Variants in SCN8A observed in about 807,000 individuals in gnomAD.
SCN8A encodes sodium channel protein type 8 subunit alpha.
A neutral mutation model predicts 184.1 loss-of-function variants in SCN8A; 30 were observed. That is an observed-to-expected ratio of 0.16 (90% CI 0.12 to 0.22). SCN8A has a LOEUF of 0.22. SCN8A is among the 10% of genes least tolerant of loss of function. The pLI is 1.00. For synonymous variants in SCN8A, 852 were observed against 907.0 expected (o/e 0.94, Z 1.09); for missense variants, 1,057 against 2,498.9 (o/e 0.42, Z 12.30).
chr12:51,609,201 GTATTC>G (rs1939663341), intron 1 of SCN8A, among the ~76,000 whole-genome samples: 1 of 151,940 alleles, frequency 6.6e-6, no homozygotes, highest in Admixed American at 6.6e-5. Flanking sequence ...AATAGAATGT[GTATTC>G]TGTGGTTGTT....
Position 51,637,373 on chromosome 12 carries a change from C to A in SCN8A, c.-54-25391C>A, listed in dbSNP as rs575682468. Among the ~76,000 whole-genome samples the A allele has an allele frequency of 5.9e-5, 9 of 152,326 alleles. No homozygotes were observed. In the South Asian group the frequency reaches 1.9e-3, roughly 32 times the overall value. On this transcript the variant is annotated intron_variant, in intron 1 of 26. Coordinates refer to ENST00000627620, the MANE Select transcript of SCN8A (RefSeq NM_001330260.2). ...ATTAAACTTAGTGAGGAAGGCATAT[C>A]AAAAGCCAACTTAGGCCAAAAGCTA... is the stretch of plus-strand genomic sequence containing the variant.
chr12:51,607,719 T>C (rs184067442), intron 1 of SCN8A, among the ~76,000 whole-genome samples: 71 of 152,356 alleles, frequency 4.7e-4, no homozygotes, highest in African/African-American at 1.7e-3. Context: ...GTTTATGTGC[T>C]GTATCACATT....
intron 16 of SCN8A, 145 bp from the exon 17 acceptor site, chr12:51,768,720 A>G (rs751826753): frequency 2.8e-5 from 17 of 609,462 alleles, no homozygotes; most frequent in Non-Finnish European, 4.6e-5. Context: ...TAACATGAGC[A>G]TTAAAATACT....
intron 12 of SCN8A, among the ~76,000 whole-genome samples, chr12:51,729,344 C>T (rs1942205110): frequency 6.6e-6 from 1 of 152,148 alleles, no homozygotes; most frequent in Non-Finnish European, 1.5e-5. Context: ...CTAATCAGTT[C>T]CTTCCACTTC....
intron 14 of SCN8A, among the ~76,000 whole-genome samples, chr12:51,758,686 C>G (rs1345192034): frequency 6.6e-6 from 1 of 152,208 alleles, no homozygotes; most frequent in Non-Finnish European, 1.5e-5. Context: ...GATCCACCCA[C>G]CTGGGCATTC....
chr12:51,768,181 TAATAAA>T (rs1455395934), intron 16 of SCN8A: 2 of 152,172 alleles, frequency 1.3e-5, no homozygotes, highest in Non-Finnish European at 2.9e-5. Flanking sequence ...AAGTAAGTCT[TAATAAA>T]AATAAATTAA....
chr12:51,711,090 T>C (rs1311406818), intron 11 of SCN8A, among the ~76,000 whole-genome samples: 1 of 152,222 alleles, frequency 6.6e-6, no homozygotes, highest in Non-Finnish European at 1.5e-5. Context: ...TCCTTTCTTC[T>C]AGTTCAGCCT....
At chr12:51,799,830 C>T (rs1159849442) in intron 26 of SCN8A, among the ~76,000 whole-genome samples, 1 of 152,208 alleles carries the variant, frequency 6.6e-6, no homozygotes, top group Non-Finnish European at 1.5e-5. Context: ...AACAACTTAT[C>T]CTTCACCTTA....
intron 1 of SCN8A, among the ~76,000 whole-genome samples, chr12:51,607,767 G>A (rs1182236624): frequency 1.3e-5 from 2 of 152,088 alleles, no homozygotes; most frequent in African/African-American, 4.8e-5. Flanking sequence ...CTGCATCCTT[G>A]ATATGAAACC....
intron 1 of SCN8A, among the ~76,000 whole-genome samples, chr12:51,643,718 C>T (rs1940503828): frequency 6.6e-6 from 1 of 152,184 alleles, no homozygotes; most frequent in Non-Finnish European, 1.5e-5. Flanking sequence ...TATATATTGA[C>T]ATTTCGTGTA....
chr12:51,656,577 A>G (rs182634746), intron 1 of SCN8A, among the ~76,000 whole-genome samples: 85 of 152,336 alleles, frequency 5.6e-4, no homozygotes, highest in African/African-American at 1.9e-3. Flanking sequence ...AACTCCTACA[A>G]ACTAGTAAGA....
chr12:51,766,195 A>C (rs1431033787), intron 16 of SCN8A, 168 bp downstream of exon 16: 9 of 653,324 alleles, frequency 1.4e-5, no homozygotes, highest in Non-Finnish European at 8.1e-6. Context: ...GAGAGGAGAG[A>C]GATACTTACA....
chr12:51,661,821 T>A (rs1285368795), intron 1 of SCN8A, among the ~76,000 whole-genome samples: 1 of 152,244 alleles, frequency 6.6e-6, no homozygotes, highest in Non-Finnish European at 1.5e-5. Flanking sequence ...ACTGCATGTG[T>A]TTAAATAATC....
In SCN8A at chr12:51,770,564, A is replaced by G; in HGVS notation, c.3526A>G (p.Ile1176Val). ...GCGGTTCAAGTGCTGCCAGGTCAACATCGAGGAAGGGCTAGGCAAGTCTTG... is the reference window on the plus strand; with the variant it reads ...GCGGTTCAAGTGCTGCCAGGTCAACGTCGAGGAAGGGCTAGGCAAGTCTTG... ...VQRFKCCQVN[I>V]EEGLGKSWWI... Residue 1176 changes from isoleucine (I) to valine (V), a missense_variant, in exon 19 of 27, where the codon ATC becomes GTC. Physicochemically the swap from Ile to Val is conservative, Grantham distance 29. Coordinates refer to ENST00000627620, the MANE Select transcript of SCN8A (RefSeq NM_001330260.2). 4 of 1,612,850 alleles carry G rather than the reference A, an allele frequency of 2.5e-6. No individual in the cohort carries two copies. Among genetic ancestry groups the G allele is most frequent in the East Asian group, 2.2e-5 (1 of 44,858 alleles).
At chr12:51,625,011 C>T (rs1056948178) in intron 1 of SCN8A, among the ~76,000 whole-genome samples, 1 of 152,012 alleles carries the variant, frequency 6.6e-6, no homozygotes, top group South Asian at 2.1e-4. Context: ...ACATCCTATC[C>T]TGGGATTCCC....
intron 11 of SCN8A, among the ~76,000 whole-genome samples, chr12:51,709,522 A>G (rs1226462112): frequency 3.3e-5 from 5 of 152,210 alleles, no homozygotes; most frequent in Non-Finnish European, 5.9e-5. Flanking sequence ...TTGAAATTTA[A>G]CAGAGATGCT....
chr12:51,742,529 G>A (rs918023289), intron 12 of SCN8A, among the ~76,000 whole-genome samples: 1 of 150,988 alleles, frequency 6.6e-6, no homozygotes, highest in African/African-American at 2.4e-5. Context: ...CTTTCTCCTA[G>A]CCTGTAAGGT....
intron 1 of SCN8A, among the ~76,000 whole-genome samples, chr12:51,592,199 C>A (rs1395997797): frequency 1.3e-5 from 2 of 151,574 alleles, no homozygotes; most frequent in African/African-American, 4.9e-5. Flanking sequence ...GGGCTTGGAC[C>A]CTCCTCTCTA....
At chr12:51,594,603 G>A (rs1042689481) in intron 1 of SCN8A, among the ~76,000 whole-genome samples, 5 of 152,016 alleles carry the variant, frequency 3.3e-5, no homozygotes, top group Non-Finnish European at 5.9e-5. Context: ...TATATAGAAA[G>A]CGTTAAAAAT....
Sources: gnomAD v4.1 joint callset for allele counts (sites outside exome capture counted in the v4.1 genomes callset) on GRCh38, gnomAD v4.1.1 for gene constraint, MANE v1.5 for transcripts, NCBI Gene and HGNC (gene_info 2026-07-23, HGNC 2026-07-21) for gene names.